The following CAMK2B variants were observed in gnomAD, a reference collection of about 807,000 sequenced individuals.
The protein encoded by CAMK2B is calcium/calmodulin dependent protein kinase II beta.
A neutral mutation model predicts 93.7 loss-of-function variants in CAMK2B; 27 were observed. That is an observed-to-expected ratio of 0.29 (90% CI 0.21 to 0.40). CAMK2B has a LOEUF of 0.40. Ranked by LOEUF, CAMK2B falls within the 10% of genes least tolerant of loss-of-function variation. The pLI, the probability that CAMK2B is intolerant of heterozygous loss-of-function variation, is 1.00. For missense variants in CAMK2B, 568 were observed against 895.8 expected (o/e 0.63, Z 4.67); for synonymous variants, 374 against 358.8 (o/e 1.04, Z -0.48).
At chr7:44,320,873 A>C (rs1038383237) in intron 1 of CAMK2B, among the ~76,000 whole-genome samples, 1 of 151,460 alleles carries the variant, frequency 6.6e-6, no homozygotes, top group Non-Finnish European at 1.5e-5. Flanking sequence ...AGGGAGCCGG[A>C]CCTCCGCCTC....
chr7:44,260,254 C>T (rs781577418), intron 3 of CAMK2B, among the ~76,000 whole-genome samples: 1 of 152,178 alleles, frequency 6.6e-6, no homozygotes, highest in Non-Finnish European at 1.5e-5. Context: ...AACTGGCTGC[C>T]AGTGCCCTCC....
In CAMK2B at chr7:44,243,538, G is replaced by A; in HGVS notation, c.415-11C>T. ...AAGCAGGTTCTCCGGCTGCAGGGAG[G>A]TGACCGGCACAAGGGTGCATGTTGT... On this transcript the variant is annotated splice_polypyrimidine_tract_variant and intron_variant, in intron 6 of 23. Transcript: ENST00000395749. 1 of 1,611,216 alleles carries A rather than the reference G, an allele frequency of 6.2e-7. No individual in the cohort carries two copies. Among genetic ancestry groups the A allele is most frequent in the Non-Finnish European group, 8.5e-7 (1 of 1,177,650 alleles).
intron 2 of CAMK2B, among the ~76,000 whole-genome samples, chr7:44,265,716 T>G (rs2096916470): frequency 6.6e-6 from 1 of 152,156 alleles, no homozygotes; most frequent in Admixed American, 6.5e-5. Context: ...ATTATTTGTG[T>G]GGGGTAAAGA....
At chr7:44,288,440 G>C (rs1436344353) in intron 1 of CAMK2B, among the ~76,000 whole-genome samples, 1 of 152,238 alleles carries the variant, frequency 6.6e-6, no homozygotes, top group Admixed American at 6.5e-5. Flanking sequence ...AGCCGGAAGA[G>C]GTGCTCCTAC....
At chr7:44,234,972 G>A (rs1462094953) in intron 13 of CAMK2B, among the ~76,000 whole-genome samples, 2 of 152,232 alleles carry the variant, frequency 1.3e-5, no homozygotes, top group African/African-American at 4.8e-5. Context: ...CTTGGCTTCT[G>A]GGCCACATGC....
intron 16 of CAMK2B, among the ~76,000 whole-genome samples, chr7:44,232,398 G>C (rs761257604): frequency 4.6e-5 from 7 of 152,198 alleles, no homozygotes; most frequent in Non-Finnish European, 1.0e-4. Flanking sequence ...CCAGAGCAGA[G>C]AGGGGAGCAG....
intron 6 of CAMK2B, among the ~76,000 whole-genome samples, chr7:44,243,826 G>A (rs745634491): frequency 2.0e-5 from 3 of 152,210 alleles, no homozygotes; most frequent in Non-Finnish European, 4.4e-5. Flanking sequence ...CTGGAAGGGC[G>A]ACCTGGGGGC....
intron 5 of CAMK2B, among the ~76,000 whole-genome samples, chr7:44,251,333 C>A (rs980240549): frequency 2.0e-5 from 3 of 152,196 alleles, no homozygotes; most frequent in Non-Finnish European, 4.4e-5. Context: ...GGGTAGGGGC[C>A]CACGGGTGCC....
intron 1 of CAMK2B, among the ~76,000 whole-genome samples, chr7:44,296,120 C>T (rs1303457950): frequency 6.6e-6 from 1 of 152,142 alleles, no homozygotes; most frequent in African/African-American, 2.4e-5. Flanking sequence ...AGAGCATGCA[C>T]CAGAACCAGA....
In CAMK2B at chr7:44,255,150, C is replaced by T. The variant is rs558360989; in HGVS notation, c.276-543G>A. Among the ~76,000 whole-genome samples the T allele has an allele frequency of 3.9e-5, 6 of 152,190 alleles. 1 individual carries two copies. The highest frequency in any genetic ancestry group is 3.9e-4 in the Admixed American group (6 of 15,304). ...AGACACGGTGCCTAAATCTGGTCTC[C>T]TTGGTGGCGCAGGGTCTTGAGGTGT... is the stretch of plus-strand genomic sequence containing the variant. On this transcript the variant is annotated intron_variant, in intron 4 of 23. Coordinates refer to ENST00000395749, the MANE Select transcript of CAMK2B (RefSeq NM_001220.5).
chr7:44,263,532 C>T (rs927432533), intron 2 of CAMK2B, among the ~76,000 whole-genome samples: 2 of 152,056 alleles, frequency 1.3e-5, no homozygotes, highest in Admixed American at 6.5e-5. Flanking sequence ...AGAGAGGCCT[C>T]GCCTGGGAGA....
intron 2 of CAMK2B, among the ~76,000 whole-genome samples, chr7:44,278,866 A>G (rs191812606): frequency 6.6e-6 from 1 of 152,330 alleles, no homozygotes; most frequent in East Asian, 1.9e-4. Context: ...CCGGGGTGGT[A>G]GGGCCAGCTC....
At chr7:44,290,568 C>T (rs571797915) in intron 1 of CAMK2B, among the ~76,000 whole-genome samples, 2 of 152,272 alleles carry the variant, frequency 1.3e-5, no homozygotes, top group African/African-American at 4.8e-5. Context: ...CCAGCAGGCA[C>T]AAGTCCGCTG....
intron 6 of CAMK2B, among the ~76,000 whole-genome samples, chr7:44,244,499 C>G (rs1337389627): frequency 2.2e-3 from 2 of 928 alleles, no homozygotes; most frequent in East Asian, 0.062. Context: ...CTGGGGCCCT[C>G]GGGTCCCTTG....
intron 1 of CAMK2B, among the ~76,000 whole-genome samples, chr7:44,288,907 C>G (rs1295091607): frequency 6.6e-6 from 1 of 152,142 alleles, no homozygotes; most frequent in African/African-American, 2.4e-5. Flanking sequence ...TGTACCTCCC[C>G]TGACTGCAGC....
Position 44,227,754 on chromosome 7 carries a change from TGTGGGGG to T in CAMK2B, c.1468+1035_1468+1041del, listed in dbSNP as rs1386543768. The stretch of plus-strand genomic sequence containing the variant: ...GGGGTATATGGGGGACAGAGGAGGG[TGTGGGGG>T]ACAGAGGGAGAGTCTGGGGGACAGA... On this transcript the variant is annotated intron_variant, in intron 19 of 23. Transcript: ENST00000395749. Among the ~76,000 whole-genome samples the T allele has an allele frequency of 1.4e-3, 7 of 4,948 alleles. 1 individual carries two copies. Among genetic ancestry groups the T allele is most frequent in the Admixed American group, 8.8e-3 (3 of 342 alleles). 3.2% of individuals were successfully genotyped at this position (4,948 alleles called of 152,430 possible).
chr7:44,220,765 G>T, intron 21 of CAMK2B, 55 bp from the exon 22 acceptor site: 15 of 1,564,592 alleles, frequency 9.6e-6, no homozygotes, highest in East Asian at 2.4e-5. Flanking sequence ...CTCTGAGCAG[G>T]CCCCCCCAAG....
At chr7:44,244,710 T>C (rs182921550) in intron 6 of CAMK2B, among the ~76,000 whole-genome samples, 30 of 151,608 alleles carry the variant, frequency 2.0e-4, no homozygotes, top group African/African-American at 6.5e-4. Context: ...CCAGAATGAA[T>C]GACATATGCT....
chr7:44,316,929 T>C (rs1794945896), intron 1 of CAMK2B, among the ~76,000 whole-genome samples: 1 of 152,174 alleles, frequency 6.6e-6, no homozygotes, highest in Non-Finnish European at 1.5e-5. Context: ...TTTATAATAA[T>C]AACCTTCCTC....
Sources: allele counts gnomAD v4.1 joint callset (sites outside exome capture counted in the v4.1 genomes callset), GRCh38; gene constraint gnomAD v4.1.1; transcripts MANE v1.5; gene names NCBI Gene and HGNC (gene_info 2026-07-23, HGNC 2026-07-21).